The following DIP2C variants were observed in gnomAD, a reference collection of about 807,000 sequenced individuals.
DIP2C encodes DIP2 acetate--CoA ligase C (putative).
A neutral mutation model predicts 192.4 loss-of-function variants in DIP2C; 33 were observed. The ratio of observed to expected loss-of-function variants is 0.17; its 90% CI spans 0.13 to 0.23. The LOEUF is 0.23. DIP2C is among the 10% of genes least tolerant of loss of function. The probability of loss-of-function intolerance (pLI) is 1.00; values close to 1 mark genes in which losing one functional copy is unlikely to be tolerated. For missense variants in DIP2C, 1,537 were observed against 2,110.1 expected (o/e 0.73, Z 5.32); for synonymous variants, 979 against 864.1 (o/e 1.13, Z -2.33).
chr10:667,986 T>TACAACACTCATACAAC (rs1011592046), intron 1 of DIP2C: 1 of 149,608 alleles, frequency 6.7e-6, no homozygotes, highest in South Asian at 2.1e-4. Context: ...AACATGCATG[T>TACAACACTCATACAAC]ACAACACTCA....
intron 1 of DIP2C, among the ~76,000 whole-genome samples, chr10:489,859 A>C (rs7923548): frequency 1.9e-5 from 1 of 52,670 alleles, no homozygotes; most frequent in Non-Finnish European, 4.2e-5. Flanking sequence ...TGGCTCTGAC[A>C]GTGCCCGGGG....
chr10:576,613 A>G (rs569786149), intron 1 of DIP2C, among the ~76,000 whole-genome samples: 1 of 152,366 alleles, frequency 6.6e-6, no homozygotes, highest in East Asian at 1.9e-4. Flanking sequence ...AACCAATATT[A>G]AAACAGAAGA....
chr10:632,407 G>A (rs1248144887), intron 1 of DIP2C, among the ~76,000 whole-genome samples: 3 of 147,632 alleles, frequency 2.0e-5, no homozygotes, highest in South Asian at 2.2e-4. Context: ...CAGACTCCAC[G>A]GCCAGCACCG....
At chr10:419,327 C>A (rs547918487) in intron 5 of DIP2C, 128 bp from the exon 6 acceptor site, 3 of 1,318,300 alleles carry the variant, frequency 2.3e-6, no homozygotes, top group African/African-American at 1.4e-5. Flanking sequence ...AAAGCCAGAG[C>A]CGATCTCAGC....
intron 4 of DIP2C, among the ~76,000 whole-genome samples, chr10:429,516 C>T (rs1262559615): frequency 1.7e-4 from 8 of 46,914 alleles, no homozygotes; most frequent in Non-Finnish European, 7.7e-5. Context: ...TGCCTCCCCC[C>T]GGACCCTGGC....
intron 31 of DIP2C, among the ~76,000 whole-genome samples, chr10:312,225 T>TC (rs1956596899): frequency 6.6e-6 from 1 of 152,228 alleles, no homozygotes; most frequent in Non-Finnish European, 1.5e-5. Context: ...CTCCTCCTCG[T>TC]CATCCATGGC....
rs1965475046 is a variant in DIP2C at position 414,747 on chromosome 10, A to ATATATATAATGTG, written c.860-638_860-637insCACATTATATATA. ...TGTGTGTGTGTGTGTGTGTACATATATATATATATAATGTGTATATATATA... is the reference window on the plus strand; with the variant it reads ...TGTGTGTGTGTGTGTGTGTACATATATATATATAATGTGTATATATATAATGTGTATATATATA... On this transcript the variant is annotated intron_variant, in intron 7 of 36. Transcript: ENST00000280886. Among the ~76,000 whole-genome samples, 6 of 119,958 alleles carry ATATATATAATGTG rather than the reference A, an allele frequency of 5.0e-5. 1 individual carries two copies. The highest frequency in any genetic ancestry group is 1.6e-4 in the Admixed American group (2 of 12,314). The allele number at this position is 119,958 out of a possible 152,430, so 78.7% of individuals were successfully genotyped here.
chr10:645,907 C>T (rs900515390), intron 1 of DIP2C, among the ~76,000 whole-genome samples: 17 of 152,182 alleles, frequency 1.1e-4, no homozygotes, highest in Non-Finnish European at 1.2e-4. Context: ...CTGCGTCCCC[C>T]GACCTCTGAT....
chr10:369,515 C>T lies in DIP2C; in HGVS notation c.2110G>A (p.Val704Ile). 1 of 1,556,010 alleles carries T rather than the reference C, an allele frequency of 6.4e-7. No individual in the cohort carries two copies. Among genetic ancestry groups the T allele is most frequent in the Non-Finnish European group, 8.7e-7 (1 of 1,147,752 alleles). ...TCACCTCCAGGCATCACGAGGCCGA[C>T]ATCCTGCACGGTGAGCACGGACAGC... Reference protein sequence around the residue: ...EKLSVLTVQDVGLVMPGAIMC... With the variant: ...EKLSVLTVQDIGLVMPGAIMC... The change falls in exon 18 of 37, where the codon GTC (valine) becomes ATC (isoleucine). Residue 704 changes from valine to isoleucine, a missense_variant. Coordinates refer to ENST00000280886, the MANE Select transcript of DIP2C (RefSeq NM_014974.3).
intron 1 of DIP2C, among the ~76,000 whole-genome samples, chr10:658,332 A>G (rs1176199542): frequency 3.7e-4 from 22 of 59,286 alleles, no homozygotes; most frequent in South Asian, 1.1e-3. Flanking sequence ...TGGACCTGAC[A>G]CTGGACCTGC....
At chr10:542,506 G>T (rs1420653602) in intron 1 of DIP2C, among the ~76,000 whole-genome samples, 1 of 152,198 alleles carries the variant, frequency 6.6e-6, no homozygotes, top group African/African-American at 2.4e-5. Flanking sequence ...GCATTCCCCA[G>T]CCACTACGGC....
At position 404,362 on chromosome 10, in the gene DIP2C, C is replaced by T. The variant is rs543880512; in HGVS notation, c.1149+4564G>A. On this transcript the variant is annotated intron_variant, in intron 9 of 36. Transcript: ENST00000280886. ...TAGCTAGGACTATAGGCATGCACCA[C>T]CACACTCAGCCAATTTTTTTCTATT... Among the ~76,000 whole-genome samples the T allele has an allele frequency of 2.0e-5, 3 of 152,194 alleles. No homozygotes were observed. The South Asian group carries it at 6.2e-4, about 32-fold the overall frequency.
At chr10:314,272 T>TG (rs1354320747) in intron 31 of DIP2C, among the ~76,000 whole-genome samples, 5 of 152,234 alleles carry the variant, frequency 3.3e-5, no homozygotes, top group Admixed American at 1.3e-4. Flanking sequence ...GACAGGTCCC[T>TG]GCCTTAAGCC....
At chr10:484,663 G>A in intron 2 of DIP2C, 3 of 1,382,624 alleles carry the variant, frequency 2.2e-6, no homozygotes, top group Non-Finnish European at 2.9e-6. Context: ...CTGGAGAATG[G>A]GACCCTCAGG....
intron 1 of DIP2C, chr10:650,975 T>C (rs1041160537): frequency 1.4e-6 from 1 of 717,334 alleles, no homozygotes; most frequent in African/African-American, 1.7e-5. Flanking sequence ...AAGCCGGCAC[T>C]GCCCTCTCTC....
chr10:585,977 G>A (rs1035298369), intron 1 of DIP2C, among the ~76,000 whole-genome samples: 3 of 152,104 alleles, frequency 2.0e-5, no homozygotes, highest in Admixed American at 2.0e-4. Flanking sequence ...TGGTAATGAC[G>A]CTTCTTGCAG....
At chr10:485,754 C>G (rs1843968897) in intron 2 of DIP2C, among the ~76,000 whole-genome samples, 1 of 152,182 alleles carries the variant, frequency 6.6e-6, no homozygotes, top group Non-Finnish European at 1.5e-5. Flanking sequence ...TGTTGCTAGC[C>G]TTTATGTTTG....
rs1954445899 is a variant in DIP2C, at chr10:275,127, AATT to A, written c.*2195_*2197del. Reference sequence around the variant, plus strand: ...GTAGAGTTGATCTGGTGACAGTTGAAATTATGTTTGAAGTGACATCTACATTTG... The same window carrying A: ...GTAGAGTTGATCTGGTGACAGTTGAAATGTTTGAAGTGACATCTACATTTG... On this transcript the variant is annotated 3_prime_UTR_variant, in exon 37 of 37. Transcript: ENST00000280886. 1 of 152,246 alleles carries A rather than the reference AATT, an allele frequency of 6.6e-6. No homozygotes were observed. Among genetic ancestry groups the A allele is most frequent in the South Asian group, 2.1e-4 (1 of 4,832 alleles). 9.4% of individuals were successfully genotyped at this position (152,246 alleles called of 1,614,324 possible).
At chr10:597,491 G>A (rs1588556812) in intron 1 of DIP2C, among the ~76,000 whole-genome samples, 1 of 152,236 alleles carries the variant, frequency 6.6e-6, no homozygotes, top group Non-Finnish European at 1.5e-5. Flanking sequence ...GAGACCTGGT[G>A]AATGGAGACC....
Sources: allele counts gnomAD v4.1 joint callset (sites outside exome capture counted in the v4.1 genomes callset), GRCh38; gene constraint gnomAD v4.1.1; transcripts MANE v1.5; gene names NCBI Gene and HGNC (gene_info 2026-07-23, HGNC 2026-07-21).